PRKG1: variants seen among roughly 807,000 people sequenced by gnomAD.
PRKG1 encodes the protein cGMP-dependent protein kinase 1.
A neutral mutation model predicts 88.1 loss-of-function variants in PRKG1; 35 were observed. The observed-to-expected ratio is 0.40, with a 90% CI of 0.30 to 0.53. The LOEUF (loss-of-function observed/expected upper bound fraction) is 0.53, where lower values mean the gene tolerates loss of function less well. Ranked by LOEUF, PRKG1 falls within the 20% of genes least tolerant of loss-of-function variation. The pLI, the probability that PRKG1 is intolerant of heterozygous loss-of-function variation, is 0.59. For synonymous variants in PRKG1, 303 were observed against 292.5 expected, an observed-to-expected ratio of 1.04 and a Z score of -0.37; for missense variants, 540 against 839.8, an observed-to-expected ratio of 0.64 and a Z score of 4.41.
At chr10:51,947,870 C>A (rs1469095045) in intron 5 of PRKG1, among the ~76,000 whole-genome samples, 1 of 152,042 alleles carries the variant, frequency 6.6e-6, no homozygotes, top group African/African-American at 2.4e-5. Context: ...ACCAGGAAGT[C>A]AGGAGATGAC....
At chr10:52,177,064 T>C (rs1838886361) in intron 9 of PRKG1, among the ~76,000 whole-genome samples, 1 of 152,072 alleles carries the variant, frequency 6.6e-6, no homozygotes, top group Non-Finnish European at 1.5e-5. Flanking sequence ...TTGAAAAAGA[T>C]TGGTGAGGTT....
intron 3 of PRKG1, among the ~76,000 whole-genome samples, chr10:51,656,539 A>G (rs543120227): frequency 6.6e-6 from 1 of 152,152 alleles, no homozygotes; most frequent in Admixed American, 6.6e-5. Context: ...TGCTACCCTA[A>G]ACTGATTCTT....
chr10:52,106,775 C>A (rs2132579707), intron 7 of PRKG1, among the ~76,000 whole-genome samples: 1 of 150,276 alleles, frequency 6.7e-6, no homozygotes, highest in East Asian at 1.9e-4. Flanking sequence ...ATGTTGAGTT[C>A]TTGTTCCTGA....
intron 3 of PRKG1, among the ~76,000 whole-genome samples, chr10:51,510,344 AT>A (rs1841356581): frequency 6.6e-6 from 1 of 152,184 alleles, no homozygotes; most frequent in African/African-American, 2.4e-5. Context: ...TGATGAGAAC[AT>A]TTAAAATCTA....
At chr10:51,367,264 A>C (rs1486444846) in intron 2 of PRKG1, among the ~76,000 whole-genome samples, 2 of 151,998 alleles carry the variant, frequency 1.3e-5, no homozygotes, top group Non-Finnish European at 2.9e-5. Context: ...ACCAGTAAAA[A>C]GGGCTCAAAA....
At chr10:52,087,092 G>C (rs1846935909) in intron 7 of PRKG1, among the ~76,000 whole-genome samples, 2 of 152,072 alleles carry the variant, frequency 1.3e-5, no homozygotes, top group Admixed American at 6.6e-5. Context: ...TGATATTTGG[G>C]TGGGGACACA....
chr10:51,279,414 A>G (rs985075563), intron 2 of PRKG1, among the ~76,000 whole-genome samples: 1 of 151,974 alleles, frequency 6.6e-6, no homozygotes, highest in Admixed American at 6.6e-5. Flanking sequence ...TGTGATGCTT[A>G]GAATTCCTGG....
chr10:52,085,509 G>A (rs906788336), intron 7 of PRKG1, among the ~76,000 whole-genome samples: 1 of 151,994 alleles, frequency 6.6e-6, no homozygotes, highest in Non-Finnish European at 1.5e-5. Flanking sequence ...GTTCAAAGTG[G>A]CTTTGTGTCC....
chr10:52,180,071 A>G (rs984013660), intron 9 of PRKG1, among the ~76,000 whole-genome samples: 2 of 152,208 alleles, frequency 1.3e-5, no homozygotes, highest in African/African-American at 4.8e-5. Flanking sequence ...ATGGTCCCTC[A>G]TAAATCGTTT....
chr10:51,596,283 T>C (rs1004859877), intron 3 of PRKG1, among the ~76,000 whole-genome samples: 2 of 152,176 alleles, frequency 1.3e-5, no homozygotes, highest in Non-Finnish European at 2.9e-5. Flanking sequence ...GCGTGAATGG[T>C]TGTAAAATTA....
At chr10:51,926,450 G>A (rs1321677774) in intron 5 of PRKG1, among the ~76,000 whole-genome samples, 1 of 152,106 alleles carries the variant, frequency 6.6e-6, no homozygotes, top group Non-Finnish European at 1.5e-5. Flanking sequence ...ATTGTTATTT[G>A]TACCAAGAGA....
intron 9 of PRKG1, among the ~76,000 whole-genome samples, chr10:52,247,414 A>G (rs1201585): frequency 0.87 from 131,839 of 152,110 alleles, 58,242 homozygotes; most frequent in East Asian, 1. Context: ...GTAATAAGTT[A>G]GATAGGAACT....
rs549702573 is a variant in PRKG1, at chr10:51,256,437, G to C, written c.478+103107G>C. 5.3e-5 allele frequency among the ~76,000 whole-genome samples: 8 copies of C among 152,170 alleles called. No individual in the cohort carries two copies. In the East Asian group the frequency reaches 1.4e-3, roughly 26 times the overall value. On this transcript the variant is annotated intron_variant, in intron 2 of 17. Transcript: ENST00000373980. Reference sequence around the variant, plus strand: ...TCTAGGTAACATGTAGACATGGTCTGGTCCCATGTACTGAGATAGCGTGGT... The same window carrying C: ...TCTAGGTAACATGTAGACATGGTCTCGTCCCATGTACTGAGATAGCGTGGT...
chr10:51,811,791 A>G (rs1839463286), intron 4 of PRKG1, among the ~76,000 whole-genome samples: 3 of 152,178 alleles, frequency 2.0e-5, no homozygotes, highest in Admixed American at 2.0e-4. Flanking sequence ...AAGGAAAGAG[A>G]AAGTAACTGC....
intron 1 of PRKG1, chr10:51,148,291 C>T: frequency 1.0e-6 from 1 of 984,200 alleles, no homozygotes; most frequent in Non-Finnish European, 1.2e-6. Context: ...TTATTGCTTC[C>T]CCTGACATTT....
intron 2 of PRKG1, among the ~76,000 whole-genome samples, chr10:51,239,975 A>G (rs1839108104): frequency 6.6e-6 from 1 of 152,228 alleles, no homozygotes; most frequent in Non-Finnish European, 1.5e-5. Flanking sequence ...GGCTATCAGT[A>G]ATTGAAGACC....
At chr10:51,239,806 A>T (rs1002837029) in intron 2 of PRKG1, among the ~76,000 whole-genome samples, 1 of 152,190 alleles carries the variant, frequency 6.6e-6, no homozygotes, top group African/African-American at 2.4e-5. Context: ...TGGTGGTATA[A>T]CCTCAGGCAG....
chr10:51,149,909 T>A (rs1846027371), intron 1 of PRKG1, among the ~76,000 whole-genome samples: 1 of 152,092 alleles, frequency 6.6e-6, no homozygotes, highest in Admixed American at 6.6e-5. Context: ...TACCAGCATA[T>A]CATTATATAT....
chr10:51,684,797 G>A (rs1840944065), intron 3 of PRKG1, among the ~76,000 whole-genome samples: 1 of 152,144 alleles, frequency 6.6e-6, no homozygotes, highest in Admixed American at 6.6e-5. Context: ...AGCCTGGGAG[G>A]CTTAGGATGC....
Sources: allele counts gnomAD v4.1 joint callset (sites outside exome capture counted in the v4.1 genomes callset), GRCh38; gene constraint gnomAD v4.1.1; transcripts MANE v1.5; gene names NCBI Gene and HGNC (gene_info 2026-07-23, HGNC 2026-07-21).